The following ERICH3 variants were observed in gnomAD, a reference collection of about 807,000 sequenced individuals.
The protein encoded by ERICH3 is glutamate-rich protein 3.
Under a neutral mutation model 131.1 loss-of-function variants are expected in ERICH3, and 126 were observed. The ratio of observed to expected loss-of-function variants is 0.96; its 90% CI spans 0.83 to 1.11. The LOEUF is 1.11. Among genes scored for constraint, ERICH3 ranks in the 50% most tolerant of loss-of-function variants. The probability of loss-of-function intolerance (pLI) is 0.00; values close to 1 mark genes in which losing one functional copy is unlikely to be tolerated. For synonymous variants in ERICH3, 695 were observed against 644.6 expected (o/e 1.08, Z -1.18); for missense variants, 2,050 against 1,810.7 (o/e 1.13, Z -2.40).
In ERICH3 at chr1:74,570,271, T is replaced by G. The variant is rs188625549; in HGVS notation, c.*187A>C. On this transcript the variant is annotated 3_prime_UTR_variant, in exon 15 of 15. Transcript: ENST00000326665. The stretch of plus-strand genomic sequence containing the variant: ...GGTCCTACAGATCTACTTGAGCTAT[T>G]CTCAAGGTGCTTACTGAGCTACTGA... 30 of 152,342 alleles carry G rather than the reference T, an allele frequency of 2.0e-4. No individual in the cohort carries two copies. The highest frequency in any genetic ancestry group is 7.0e-4 in the African/African-American group (29 of 41,562). The allele number at this position is 152,342 out of a possible 1,614,324, so 9.4% of individuals were successfully genotyped here.
At chr1:74,626,436 T>C (rs1352085948) in intron 7 of ERICH3, among the ~76,000 whole-genome samples, 1 of 152,190 alleles carries the variant, frequency 6.6e-6, no homozygotes, top group African/African-American at 2.4e-5. Flanking sequence ...CATGGAAAAG[T>C]CTCAAACTAG....
intron 1 of ERICH3, among the ~76,000 whole-genome samples, chr1:74,661,888 A>G (rs1646645343): frequency 6.6e-6 from 1 of 152,210 alleles, no homozygotes; most frequent in Non-Finnish European, 1.5e-5. Flanking sequence ...CGGAAATAGC[A>G]TGTTTATCTC....
chr1:74,650,867 TG>T (rs1646527599), intron 1 of ERICH3, among the ~76,000 whole-genome samples: 4 of 151,154 alleles, frequency 2.6e-5, no homozygotes, highest in Admixed American at 1.3e-4. Context: ...TGTGTGTGTG[TG>T]TATACTTATA....
At chr1:74,605,341 G>A (rs12083551) in intron 10 of ERICH3, among the ~76,000 whole-genome samples, 3,779 of 151,872 alleles carry the variant, frequency 0.025, 178 homozygotes, top group African/African-American at 0.087. Context: ...CAGCAATAAC[G>A]ATTTCTTTTT....
chr1:74,627,588 G>A (rs1324770679), intron 7 of ERICH3, among the ~76,000 whole-genome samples: 2 of 151,888 alleles, frequency 1.3e-5, no homozygotes, highest in Admixed American at 6.6e-5. Flanking sequence ...CATATTTAAA[G>A]CCTAAAGTTT....
chr1:74,640,352 G>C (rs1163967912), intron 5 of ERICH3, among the ~76,000 whole-genome samples: 1 of 152,076 alleles, frequency 6.6e-6, no homozygotes, highest in African/African-American at 2.4e-5. Flanking sequence ...AGGAAAGATG[G>C]TTGCTTTTCA....
At chr1:74,665,525 C>T (rs796166717) in intron 1 of ERICH3, among the ~76,000 whole-genome samples, 14 of 152,212 alleles carry the variant, frequency 9.2e-5, no homozygotes, top group Admixed American at 6.5e-4. Context: ...GGTAGGGCTG[C>T]GATAACAAGG....
intron 5 of ERICH3, among the ~76,000 whole-genome samples, chr1:74,639,132 C>G (rs909957371): frequency 2.0e-5 from 3 of 152,134 alleles, no homozygotes; most frequent in African/African-American, 7.2e-5. Context: ...GAAATTAGAA[C>G]TGAGGTTTCT....
intron 5 of ERICH3, among the ~76,000 whole-genome samples, chr1:74,640,010 C>T (rs1646424252): frequency 6.6e-6 from 1 of 152,156 alleles, no homozygotes; most frequent in Non-Finnish European, 1.5e-5. Flanking sequence ...GGGCGGGCCA[C>T]ATGAAGAATC....
chr1:74,599,657 TA>T (rs1354707965), intron 11 of ERICH3, 37 bp downstream of exon 11: 1 of 1,474,850 alleles, frequency 6.8e-7, no homozygotes, highest in Non-Finnish European at 9.2e-7. Context: ...ACACACTCAG[TA>T]AACAGCCTAT....
intron 3 of ERICH3, 92 bp from the exon 4 acceptor site, chr1:74,643,190 C>T (rs559240231): frequency 3.6e-6 from 3 of 829,934 alleles, no homozygotes; most frequent in Non-Finnish European, 5.8e-6. Flanking sequence ...TAACTATATT[C>T]TCAATTAGTC....
In ERICH3 at chr1:74,605,991, T is replaced by C. The variant is rs553609611; in HGVS notation, c.1489+610A>G. Among the ~76,000 whole-genome samples, 14 of 132,862 alleles carry C rather than the reference T, an allele frequency of 1.1e-4. No homozygotes were observed. In the South Asian group the frequency reaches 2.3e-3, roughly 22 times the overall value. 87.2% of individuals were successfully genotyped at this position (132,862 alleles called of 152,430 possible). On this transcript the variant is annotated intron_variant, in intron 10 of 14. Transcript: ENST00000326665. ...GCATATATATGTGTGTATGTATATA[T>C]ATGAATGCGCGTGTGTCTGTGTGTG... is the stretch of plus-strand genomic sequence containing the variant.
At position 74,590,929 on chromosome 1, in the gene ERICH3, G is replaced by GA. The variant is rs200334265; in HGVS notation, c.1727-850dup. ...CTTTATAAATATTCACTTTGTTATA[G>GA]AAAAAAATGAATAATCCTTTGTCTC... On this transcript the variant is annotated intron_variant, in intron 11 of 14. Coordinates refer to ENST00000326665, the MANE Select transcript of ERICH3 (RefSeq NM_001002912.5). 4.6e-5 allele frequency among the ~76,000 whole-genome samples: 7 copies of GA among 151,888 alleles called. No homozygotes were observed. In the South Asian group the frequency reaches 1.5e-3, roughly 32 times the overall value.
chr1:74,636,729 G>T (rs1646392997), intron 5 of ERICH3, among the ~76,000 whole-genome samples: 1 of 152,120 alleles, frequency 6.6e-6, no homozygotes, highest in Admixed American at 6.5e-5. Flanking sequence ...CAAACTTGCT[G>T]ACAATAACTA....
chr1:74,612,748 C>T lies in ERICH3; in HGVS notation c.1062G>A (p.Leu354=). ...TTAACCTGTTCACCTGCATCCCATT[C>T]AGGAAAAAGGTGAGACTGAAGGGGA... ...HGFPFSLTFF[L]NGMQVNRLSS... is the part of the protein sequence containing the mutation. Residue 354 remains leucine (L), a synonymous_variant, in exon 9 of 15, where the codon CTG becomes CTA. Transcript: ENST00000326665. 1 of 1,601,252 alleles carries T rather than the reference C, an allele frequency of 6.2e-7. No individual in the cohort carries two copies. Among genetic ancestry groups the T allele is most frequent in the Non-Finnish European group, 8.5e-7 (1 of 1,170,216 alleles).
chr1:74,658,756 AC>A (rs1470412439), intron 1 of ERICH3, among the ~76,000 whole-genome samples: 8 of 152,028 alleles, frequency 5.3e-5, no homozygotes, highest in African/African-American at 1.9e-4. Context: ...TTGTTCACTT[AC>A]CCCCACCCTC....
chr1:74,669,749 C>T (rs1452881688), intron 1 of ERICH3, among the ~76,000 whole-genome samples: 1 of 152,190 alleles, frequency 6.6e-6, no homozygotes, highest in Non-Finnish European at 1.5e-5. Context: ...ACAAAGCCGG[C>T]ACAGGCCCTT....
At chr1:74,670,893 G>A (rs1052198078) in intron 1 of ERICH3, among the ~76,000 whole-genome samples, 2 of 152,070 alleles carry the variant, frequency 1.3e-5, no homozygotes, top group Non-Finnish European at 2.9e-5. Flanking sequence ...TAATACCCTG[G>A]GAAAGGAATG....
chr1:74,638,020 T>C (rs1207804350), intron 5 of ERICH3, among the ~76,000 whole-genome samples: 2 of 152,128 alleles, frequency 1.3e-5, no homozygotes, highest in South Asian at 4.1e-4. Flanking sequence ...ATTGTACATA[T>C]ATATTTAGGA....
Sources: gnomAD v4.1 joint callset for allele counts (sites outside exome capture counted in the v4.1 genomes callset) on GRCh38, gnomAD v4.1.1 for gene constraint, MANE v1.5 for transcripts, NCBI Gene and HGNC (gene_info 2026-07-23, HGNC 2026-07-21) for gene names.